Variants in MTDH observed in about 807,000 individuals in gnomAD.
MTDH encodes metadherin.
Under a neutral mutation model 72.7 loss-of-function variants are expected in MTDH, and 34 were observed. That is an observed-to-expected ratio of 0.47 (90% confidence interval 0.36 to 0.62). The LOEUF is 0.62. Among genes scored for constraint, MTDH ranks in the 20% least tolerant of loss-of-function variants. The pLI is 0.00. For missense variants in MTDH, 677 were observed against 699.4 expected (o/e 0.97, Z 0.36); for synonymous variants, 266 against 268.9 (o/e 0.99, Z 0.10).
chr8:97,697,513 G>A (rs1563554561), intron 6 of MTDH, among the ~76,000 whole-genome samples: 1 of 148,744 alleles, frequency 6.7e-6, no homozygotes, highest in African/African-American at 2.5e-5. Flanking sequence ...GGCGTCCCAT[G>A]TATCTGGTAC....
chr8:97,647,535 G>A (rs893849915), intron 1 of MTDH, among the ~76,000 whole-genome samples: 16 of 152,090 alleles, frequency 1.1e-4, no homozygotes, highest in East Asian at 1.9e-4. Context: ...TCTAAAAAAA[G>A]GGGGGAAGGG....
intron 1 of MTDH, among the ~76,000 whole-genome samples, chr8:97,657,555 G>A (rs572444326): frequency 6.6e-6 from 1 of 151,832 alleles, no homozygotes; most frequent in East Asian, 1.9e-4. Flanking sequence ...CCAGGCTAGA[G>A]TACAGTGGTG....
At chr8:97,660,883 T>TA (rs1812146814) in intron 1 of MTDH, among the ~76,000 whole-genome samples, 189 bp from the exon 2 acceptor site, 6 of 128,234 alleles carry the variant, frequency 4.7e-5, no homozygotes, top group East Asian at 2.5e-4. Flanking sequence ...CTTATGAATT[T>TA]TATATATATA....
intron 1 of MTDH, among the ~76,000 whole-genome samples, chr8:97,645,597 GA>G (rs1304733235): frequency 7.9e-5 from 12 of 152,200 alleles, no homozygotes; most frequent in Non-Finnish European, 1.8e-4. Context: ...TGGCGTGGTA[GA>G]TTTGTGAAAT....
intron 4 of MTDH, 41 bp downstream of exon 4, chr8:97,687,646 A>G: frequency 2.1e-6 from 3 of 1,456,792 alleles, no homozygotes; most frequent in South Asian, 1.4e-5. Flanking sequence ...ATCAAATCAA[A>G]CTCCTTTTAT....
chr8:97,682,337 C>T (rs1290615648), intron 2 of MTDH, among the ~76,000 whole-genome samples: 10 of 107,832 alleles, frequency 9.3e-5, no homozygotes, highest in African/African-American at 3.6e-4. Context: ...CTTGCCCTGT[C>T]GCCCAGGCTG....
chr8:97,709,702 T>G (rs1393456570), intron 8 of MTDH, among the ~76,000 whole-genome samples: 1 of 152,228 alleles, frequency 6.6e-6, no homozygotes, highest in East Asian at 1.9e-4. Context: ...TGGATACAAA[T>G]AAATTTATAG....
At chr8:97,724,328 G>A (rs1815273521) in intron 11 of MTDH, among the ~76,000 whole-genome samples, 2 of 151,908 alleles carry the variant, frequency 1.3e-5, no homozygotes, top group African/African-American at 4.8e-5. Context: ...TTATTAGTTA[G>A]GTTGAGCCAT....
chr8:97,709,329 C>T (rs956483013), intron 8 of MTDH, among the ~76,000 whole-genome samples: 64 of 121,748 alleles, frequency 5.3e-4, no homozygotes, highest in African/African-American at 2.3e-3. Context: ...TACAAAAAGG[C>T]TTCTTAGAAG....
At chr8:97,721,705 T>C (rs1160803105) in intron 10 of MTDH, among the ~76,000 whole-genome samples, 1 of 152,236 alleles carries the variant, frequency 6.6e-6, no homozygotes, top group Non-Finnish European at 1.5e-5. Flanking sequence ...GACGTTCTTA[T>C]CATTACCAGG....
chr8:97,723,084 GTGT>G, intron 11 of MTDH, 49 bp downstream of exon 11: 7 of 1,577,610 alleles, frequency 4.4e-6, no homozygotes, highest in Non-Finnish European at 4.3e-6. Flanking sequence ...CATTTTTCAT[GTGT>G]TAAGGTTCTG....
intron 2 of MTDH, among the ~76,000 whole-genome samples, chr8:97,665,271 T>C (rs968310103): frequency 3.9e-5 from 6 of 152,222 alleles, no homozygotes; most frequent in Admixed American, 3.9e-4. Flanking sequence ...CTAGAAACTG[T>C]ATATGACAAG....
chr8:97,664,778 T>C (rs1322562744), intron 2 of MTDH, among the ~76,000 whole-genome samples: 2 of 152,068 alleles, frequency 1.3e-5, no homozygotes, highest in Non-Finnish European at 2.9e-5. Context: ...TTTCTTTCCT[T>C]TCTTTGTTCT....
At chr8:97,679,181 G>A (rs1812971645) in intron 2 of MTDH, among the ~76,000 whole-genome samples, 1 of 152,074 alleles carries the variant, frequency 6.6e-6, no homozygotes, top group Admixed American at 6.6e-5. Flanking sequence ...GGATAGAATA[G>A]CATTTACCTA....
Position 97,644,611 on chromosome 8 carries a change from G to C in MTDH, c.105G>C (p.Glu35Asp). The C allele has an allele frequency of 6.2e-7, 1 of 1,609,770 alleles. No individual in the cohort carries two copies. The highest frequency in any genetic ancestry group is 8.5e-7 in the Non-Finnish European group (1 of 1,179,246). Residue 35 changes from glutamate (E) to aspartate (D), a missense_variant, in exon 1 of 12, where the codon GAG becomes GAC. Transcript: ENST00000336273. Reference sequence around the variant, plus strand: ...TCGGCCTAGGCTTTCTGCGCACCGAGCTGGGCCTCGACCTGGGGCTGGAGC... The same window carrying C: ...TCGGCCTAGGCTTTCTGCGCACCGACCTGGGCCTCGACCTGGGGCTGGAGC... ...LSVGLGFLRT[E>D]LGLDLGLEPK... is the part of the protein sequence containing the mutation.
intron 6 of MTDH, among the ~76,000 whole-genome samples, chr8:97,695,358 C>T (rs1371429598): frequency 3.9e-5 from 6 of 152,192 alleles, no homozygotes; most frequent in South Asian, 2.1e-4. Flanking sequence ...ATAATCTGCC[C>T]GCCTCGGCCC....
chr8:97,661,700 T>C (rs752425960), intron 2 of MTDH, among the ~76,000 whole-genome samples: 3 of 152,200 alleles, frequency 2.0e-5, no homozygotes, highest in African/African-American at 4.8e-5. Flanking sequence ...CCTAGCACTT[T>C]GGTAGGCCGA....
At chr8:97,681,597 G>A (rs536526239) in intron 2 of MTDH, among the ~76,000 whole-genome samples, 84 of 150,382 alleles carry the variant, frequency 5.6e-4, no homozygotes, top group South Asian at 1.1e-3. Flanking sequence ...GGGTTCAAGC[G>A]ATTCTTCTGC....
chr8:97,718,517 GT>G (rs999318597), intron 9 of MTDH, among the ~76,000 whole-genome samples: 2 of 111,858 alleles, frequency 1.8e-5, no homozygotes, highest in Admixed American at 8.7e-5. Context: ...TTTTGTTTTT[GT>G]TTTTTTTGTT....
Sources: gnomAD v4.1 joint callset for allele counts (sites outside exome capture counted in the v4.1 genomes callset) on GRCh38, gnomAD v4.1.1 for gene constraint, MANE v1.5 for transcripts, NCBI Gene and HGNC (gene_info 2026-07-23, HGNC 2026-07-21) for gene names.